VGLL4: variants seen among roughly 807,000 people sequenced by gnomAD.
The protein encoded by VGLL4 is vestigial like family member 4.
Under a neutral mutation model 21.0 loss-of-function variants are expected in VGLL4, and 7 were observed. The ratio of observed to expected loss-of-function variants is 0.33; its 90% CI spans 0.19 to 0.63. The LOEUF is 0.63. Among genes scored for constraint, VGLL4 ranks in the 20% least tolerant of loss-of-function variants. The pLI, the probability that VGLL4 is intolerant of heterozygous loss-of-function variation, is 0.78. For synonymous variants in VGLL4, 222 were observed against 173.2 expected, an observed-to-expected ratio of 1.28 and a Z score of -2.21; for missense variants, 394 against 425.7, an observed-to-expected ratio of 0.93 and a Z score of 0.66.
At chr3:11,716,601 A>C (rs757735481) in intron 1 of VGLL4, among the ~76,000 whole-genome samples, 5 of 152,254 alleles carry the variant, frequency 3.3e-5, no homozygotes, top group Non-Finnish European at 5.9e-5. Context: ...TCTGGCTATT[A>C]GACCTGAGGC....
At chr3:11,680,996 C>T (rs1308604634) in intron 2 of VGLL4, among the ~76,000 whole-genome samples, 1 of 152,136 alleles carries the variant, frequency 6.6e-6, no homozygotes, top group East Asian at 1.9e-4. Flanking sequence ...CTTCCCTTCT[C>T]TTTCTATGGG....
At chr3:11,649,224 A>T (rs192092611) in intron 2 of VGLL4, among the ~76,000 whole-genome samples, 192 of 152,374 alleles carry the variant, frequency 1.3e-3, no homozygotes, top group Non-Finnish European at 1.8e-3. Flanking sequence ...TATGCTATAT[A>T]CTGTGTGACA....
At chr3:11,664,022 CGG>C (rs1690026506) in intron 2 of VGLL4, among the ~76,000 whole-genome samples, 1 of 152,044 alleles carries the variant, frequency 6.6e-6, no homozygotes, top group Admixed American at 6.6e-5. Flanking sequence ...GAGTCCAAGG[CGG>C]GAGGATCACC....
chr3:11,713,568 T>TTATA (rs10690353), intron 1 of VGLL4, among the ~76,000 whole-genome samples: 5,984 of 140,162 alleles, frequency 0.043, 247 homozygotes, highest in African/African-American at 0.11. Context: ...TATATATTAT[T>TTATA]TATATATATA....
At chr3:11,573,310 A>AAT (rs1559870181) in intron 2 of VGLL4, among the ~76,000 whole-genome samples, 1 of 12,638 alleles carries the variant, frequency 7.9e-5, no homozygotes, top group Admixed American at 9.5e-4. Context: ...AAAGAAAGGA[A>AAT]GGAAGGAAGA....
intron 2 of VGLL4, among the ~76,000 whole-genome samples, chr3:11,597,598 C>T (rs1433868223): frequency 6.6e-6 from 1 of 152,132 alleles, no homozygotes; most frequent in Admixed American, 6.6e-5. Context: ...TAACTACATC[C>T]AGACAAAGAG....
intron 2 of VGLL4, among the ~76,000 whole-genome samples, chr3:11,691,537 T>A (rs147345965): frequency 1.3e-5 from 2 of 152,298 alleles, no homozygotes; most frequent in Admixed American, 6.5e-5. Flanking sequence ...ACGTGATGCC[T>A]GGAAATGACA....
chr3:11,561,321 C>T (rs2072978162), intron 3 of VGLL4, among the ~76,000 whole-genome samples: 1 of 151,988 alleles, frequency 6.6e-6, no homozygotes. Flanking sequence ...CAGGAAAGGC[C>T]ACTTCAGAAG....
Position 11,558,707 on chromosome 3 carries a change from A to G in VGLL4, c.740T>C (p.Phe247Ser). 6.2e-7 allele frequency: 1 copy of G among 1,614,076 alleles called. No individual in the cohort carries two copies. The highest frequency in any genetic ancestry group is 1.7e-5 in the Admixed American group (1 of 60,028). The change falls in exon 5 of 5, where the codon TTT (phenylalanine) becomes TCT (serine). Residue 247 changes from phenylalanine to serine, a missense_variant. Physicochemically the swap from Phe to Ser is radical, Grantham distance 155. Transcript: ENST00000430365. ...CCACGTGTCACCCAGAGCTTTGGCA[A>G]AGTGGTCGTCCACGGAGCCCGTGAT... is the stretch of plus-strand genomic sequence containing the variant. ...VSITGSVDDH[F>S]AKALGDTWLQ...
chr3:11,604,176 C>T, intron 1 of VGLL4: 1 of 184,302 alleles, frequency 5.4e-6, no homozygotes, highest in Non-Finnish European at 1.0e-5. Context: ...GTGACAGACG[C>T]CTCCACCAGG....
chr3:11,704,609 C>T (rs1290226231), intron 1 of VGLL4, among the ~76,000 whole-genome samples: 2 of 151,940 alleles, frequency 1.3e-5, no homozygotes, highest in Non-Finnish European at 2.9e-5. Flanking sequence ...AAGCATTCTG[C>T]ACTGGGTGTT....
chr3:11,640,866 C>G (rs1427126225), intron 1 of VGLL4, among the ~76,000 whole-genome samples: 1 of 151,944 alleles, frequency 6.6e-6, no homozygotes, highest in East Asian at 1.9e-4. Flanking sequence ...GCCTGTAATC[C>G]CAGCACTTTG....
chr3:11,640,810 A>C (rs1332454835), intron 1 of VGLL4, among the ~76,000 whole-genome samples: 3 of 152,110 alleles, frequency 2.0e-5, no homozygotes, highest in Non-Finnish European at 4.4e-5. Context: ...ATTAAGTCAC[A>C]AGAGAGGTTT....
rs2076970836 is a variant in VGLL4 at position 11,719,933 on chromosome 3, T to C, written c.-14+461A>G. Among the ~76,000 whole-genome samples the C allele has an allele frequency of 7.3e-6, 1 of 136,686 alleles. No individual in the cohort carries two copies. Among genetic ancestry groups the C allele is most frequent in the Non-Finnish European group, 1.6e-5 (1 of 63,276 alleles). The allele number at this position is 136,686 out of a possible 152,430, so 89.7% of individuals were successfully genotyped here. A position where few individuals can be genotyped will look rare whatever the true frequency, so the allele number is the denominator to read the frequency against. On this transcript the variant is annotated intron_variant, in intron 1 of 5. Transcript: ENST00000273038. This position sits in a 1 kb window ranked among gnomAD's most constrained non-coding sequence, Gnocchi z 4.0. Reference sequence around the variant, plus strand: ...CGAGTGGACATGGCGCACACTGCTGTGGACACGGCATCTCGCACGCCCCCG... The same window carrying C: ...CGAGTGGACATGGCGCACACTGCTGCGGACACGGCATCTCGCACGCCCCCG...
At chr3:11,628,496 C>A (rs1409517267) in intron 1 of VGLL4, among the ~76,000 whole-genome samples, 1 of 152,024 alleles carries the variant, frequency 6.6e-6, no homozygotes, top group Non-Finnish European at 1.5e-5. Flanking sequence ...AATGTTTTCC[C>A]AAATATGAAA....
At chr3:11,588,783 A>G (rs1158532555) in intron 2 of VGLL4, among the ~76,000 whole-genome samples, 1 of 152,238 alleles carries the variant, frequency 6.6e-6, no homozygotes, top group African/African-American at 2.4e-5. Context: ...TGGAAGAACA[A>G]TGGAGCAGCT....
At chr3:11,671,167 C>A in intron 2 of VGLL4, 1 of 1,366,676 alleles carries the variant, frequency 7.3e-7, no homozygotes. Context: ...GATAAACATA[C>A]CACACTTTTC....
At chr3:11,567,094 C>A (rs1465326160) in intron 2 of VGLL4, among the ~76,000 whole-genome samples, 1 of 152,124 alleles carries the variant, frequency 6.6e-6, no homozygotes, top group South Asian at 2.1e-4. Context: ...CTGAGTGCAG[C>A]CTCGGCTGTG....
At chr3:11,650,869 T>C (rs2075860737) in intron 2 of VGLL4, among the ~76,000 whole-genome samples, 1 of 152,126 alleles carries the variant, frequency 6.6e-6, no homozygotes, top group Admixed American at 6.5e-5. Context: ...TGCAAAACTG[T>C]CATGTTTCAG....
Sources: gnomAD v4.1 joint callset for allele counts (sites outside exome capture counted in the v4.1 genomes callset) on GRCh38, gnomAD v4.1.1 for gene constraint, Gnocchi (gnomAD v3.1) non-coding constraint, MANE v1.5 for transcripts, NCBI Gene and HGNC (gene_info 2026-07-23, HGNC 2026-07-21) for gene names.